The following LGALS12 variants were observed in gnomAD, a reference collection of about 807,000 sequenced individuals.
The protein encoded by LGALS12 is galectin-12.
In LGALS12, 36 loss-of-function variants were observed where a neutral mutation model predicts 36.8. That is an observed-to-expected ratio of 0.98 (90% CI 0.75 to 1.29). LGALS12 has a LOEUF of 1.29. Ranked by LOEUF, LGALS12 falls within the 50% of genes most tolerant of loss-of-function variation. LGALS12 has a pLI of 0.00. For missense variants in LGALS12, 366 were observed against 394.3 expected, an observed-to-expected ratio of 0.93 and a Z score of 0.61; for synonymous variants, 145 against 155.9, an observed-to-expected ratio of 0.93 and a Z score of 0.52.
chr11:63,514,907 A>G (rs2017034716), intron 7 of LGALS12, among the ~76,000 whole-genome samples: 1 of 151,870 alleles, frequency 6.6e-6, no homozygotes, highest in South Asian at 2.1e-4. Context: ...TAGAGATTGT[A>G]TTATATAGCA....
In LGALS12 at chr11:63,511,815, G is replaced by C; in HGVS notation, c.622G>C (p.Gly208Arg). ...LSPGQVIIVR[G>R]LVLQEPKHFT... The stretch of plus-strand genomic sequence containing the variant: ...GCCTGGGCAGGTCATCATAGTACGG[G>C]GACTGGTCTTGCAAGAGCCGAAGCA... Residue 208 changes from glycine (G) to arginine (R), a missense_variant, in exon 7 of 9, where the codon GGA becomes CGA. Physicochemically the swap from Gly to Arg is moderately radical, Grantham distance 125. Transcript: ENST00000394618. The C allele has an allele frequency of 6.2e-7, 1 of 1,613,574 alleles. No homozygotes were observed. Among genetic ancestry groups the C allele is most frequent in the Non-Finnish European group, 8.5e-7 (1 of 1,179,730 alleles).
In LGALS12 at chr11:63,515,689, C is replaced by G; in HGVS notation, c.774C>G (p.Leu258=). The G allele has an allele frequency of 6.2e-7, 1 of 1,614,196 alleles. No homozygotes were observed. The change falls in exon 8 of 9, where the codon CTC becomes CTG. Residue 258 remains leucine, a synonymous_variant. Transcript: ENST00000394618. ...GQKKLISAPF[L]FYPQRFFEVL... is the part of the protein sequence containing the mutation. The stretch of plus-strand genomic sequence containing the variant: ...AGAAACTGATCTCAGCCCCCTTCCT[C>G]TTTTACCCCCAGAGATTCTTTGAGG...
intron 8 of LGALS12, 115 bp from the exon 9 acceptor site, chr11:63,516,132 C>A: frequency 7.4e-7 from 1 of 1,346,016 alleles, no homozygotes; most frequent in Non-Finnish European, 1.0e-6. Flanking sequence ...TGGGTGCCCC[C>A]TGGGTCCAGT....
Position 63,511,796 on chromosome 11 carries a change from G to T in LGALS12, c.603G>T (p.Gly201=). The change falls in exon 7 of 9, where the codon GGG becomes GGT. Residue 201 remains glycine, a synonymous_variant. Transcript: ENST00000394618. ...SHALPQGLSP[G]QVIIVRGLVL... is the part of the protein sequence containing the mutation. ...CTCTTCCCCAGGGTCTCTCGCCTGG[G>T]CAGGTCATCATAGTACGGGGACTGG... The T allele has an allele frequency of 1.2e-6, 2 of 1,613,844 alleles. No homozygotes were observed. Among genetic ancestry groups the T allele is most frequent in the Non-Finnish European group, 1.7e-6 (2 of 1,179,946 alleles).
At chr11:63,511,709 C>A (rs752748546) in intron 6 of LGALS12, 43 bp from the exon 7 acceptor site, 3 of 1,450,956 alleles carry the variant, frequency 2.1e-6, no homozygotes, top group South Asian at 2.3e-5. Flanking sequence ...CCTCCCCAGT[C>A]CCCCTGGAAG....
Position 63,516,482 on chromosome 11 carries a change from T to C in LGALS12, c.*89T>C. 6.8e-7 allele frequency: 1 copy of C among 1,461,460 alleles called. No homozygotes were observed. Among genetic ancestry groups the C allele is most frequent in the Non-Finnish European group, 9.5e-7 (1 of 1,055,344 alleles). The allele number at this position is 1,461,460 out of a possible 1,614,324, so 90.5% of individuals were successfully genotyped here. Reference sequence around the variant, plus strand: ...TCCTCCCCTCATTAAACCATCCACCTGACACCAGCACATCAGGCCTGGTTC... The same window carrying C: ...TCCTCCCCTCATTAAACCATCCACCCGACACCAGCACATCAGGCCTGGTTC... On this transcript the variant is annotated 3_prime_UTR_variant, in exon 9 of 9. Coordinates refer to ENST00000394618, the MANE Select transcript of LGALS12 (RefSeq NM_033101.4).
rs769817660 is a variant in LGALS12, at chr11:63,511,777, C to T, written c.584C>T (p.Pro195Leu). 17 of 1,613,572 alleles carry T rather than the reference C, an allele frequency of 1.1e-5. No homozygotes were observed. The South Asian group carries it at 1.9e-4, about 18-fold the overall frequency. ...GAGGTGCCCTGCTCACATGCTCTTC[C>T]CCAGGGTCTCTCGCCTGGGCAGGTC... The part of the protein sequence containing the change: ...RLEVPCSHAL[P>L]QGLSPGQVII... Residue 195 changes from proline (P) to leucine (L), a missense_variant, in exon 7 of 9, where the codon CCC becomes CTC. Transcript: ENST00000394618.
rs1031149213 is a variant in LGALS12, at chr11:63,510,534, A to C, written c.531+33A>C. 4.3e-6 allele frequency: 7 copies of C among 1,609,748 alleles called. No homozygotes were observed. The Admixed American group carries it at 1.2e-4, about 27-fold the overall frequency. The stretch of plus-strand genomic sequence containing the variant: ...TCTTGGCAGCAAGGTCTGAGCAGCC[A>C]CACCAGCTGACCCGCCCTTCTGGAC... On this transcript the variant is annotated intron_variant, in intron 5 of 8. Transcript: ENST00000394618.
chr11:63,515,467 C>T (rs562034416), intron 7 of LGALS12, 96 bp from the exon 8 acceptor site: 3 of 1,434,044 alleles, frequency 2.1e-6, no homozygotes, highest in Admixed American at 1.9e-5. Context: ...CTCAACCTTC[C>T]ATCCACTCCC....
chr11:63,508,820 G>T lies in LGALS12; in HGVS notation c.201G>T (p.Arg67=). 6.2e-7 allele frequency: 1 copy of T among 1,614,208 alleles called. No individual in the cohort carries two copies. The highest frequency in any genetic ancestry group is 8.5e-7 in the Non-Finnish European group (1 of 1,180,032). The change falls in exon 3 of 9, where the codon CGG becomes CGT. Residue 67 remains arginine, a synonymous_variant. Coordinates refer to ENST00000394618, the MANE Select transcript of LGALS12 (RefSeq NM_033101.4). ...AGTGTGGCTGCAGCCTGTGTCCCCGGCCAGATATCGCCTTCCACTTCAACC... is the reference window on the plus strand; with the variant it reads ...AGTGTGGCTGCAGCCTGTGTCCCCGTCCAGATATCGCCTTCCACTTCAACC... The part of the protein sequence containing the change: ...DFQCGCSLCP[R]PDIAFHFNPR...
Position 63,511,808 on chromosome 11 carries a change from AG to A in LGALS12, c.616del (p.Val206TyrfsTer14). 6.2e-7 allele frequency: 1 copy of A among 1,613,696 alleles called. No homozygotes were observed. The highest frequency in any genetic ancestry group is 8.5e-7 in the Non-Finnish European group (1 of 1,179,824). ...GTCTCTCGCCTGGGCAGGTCATCATAGTACGGGGACTGGTCTTGCAAGAGCC... is the reference window on the plus strand; with the variant it reads ...GTCTCTCGCCTGGGCAGGTCATCATATACGGGGACTGGTCTTGCAAGAGCC... ...QGLSPGQVII[V>X]RGLVLQEPKH... On this transcript the variant is annotated frameshift_variant, in exon 7 of 9. Transcript: ENST00000394618. LOFTEE classifies it high-confidence loss of function.
intron 2 of LGALS12, 32 bp downstream of exon 2, chr11:63,508,673 G>A (rs1319348255): frequency 1.9e-6 from 3 of 1,613,664 alleles, no homozygotes; most frequent in Non-Finnish European, 2.5e-6. Context: ...AGGGGGTGCT[G>A]GAGCTCAGCC....
chr11:63,508,184 C>T (rs1401198895), intron 1 of LGALS12: 1 of 1,105,826 alleles, frequency 9.0e-7, no homozygotes, highest in East Asian at 7.0e-5. Flanking sequence ...ACTCAACAGT[C>T]CTCAGAAAGC....
In LGALS12 at chr11:63,509,030, T is replaced by G. The variant is rs374256190; in HGVS notation, c.372+39T>G. Reference sequence around the variant, plus strand: ...CGGGCATTGGGTGGTCTAGAATTTGTGTCCTTGCGCCCTTCCTTCCCTCAG... The same window carrying G: ...CGGGCATTGGGTGGTCTAGAATTTGGGTCCTTGCGCCCTTCCTTCCCTCAG... On this transcript the variant is annotated intron_variant, in intron 3 of 8. Transcript: ENST00000394618. 5 of 1,522,468 alleles carry G rather than the reference T, an allele frequency of 3.3e-6. No homozygotes were observed. The African/African-American group carries it at 5.5e-5, about 17-fold the overall frequency. The allele number at this position is 1,522,468 out of a possible 1,614,324, so 94.3% of individuals were successfully genotyped here.
intron 8 of LGALS12, among the ~76,000 whole-genome samples, 158 bp downstream of exon 8, chr11:63,515,871 C>G (rs555882713): frequency 1.8e-4 from 27 of 152,264 alleles, no homozygotes; most frequent in Non-Finnish European, 3.2e-4. Context: ...CAGCAGTCCT[C>G]AACGCTCCAC....
chr11:63,510,033 A>G, intron 4 of LGALS12, 136 bp downstream of exon 4: 10 of 1,086,546 alleles, frequency 9.2e-6, no homozygotes, highest in Non-Finnish European at 1.3e-5. Context: ...GCCAAGGGGG[A>G]GGGAGTCCAC....
intron 7 of LGALS12, among the ~76,000 whole-genome samples, chr11:63,514,223 G>A (rs764904928): frequency 2.0e-5 from 3 of 152,304 alleles, no homozygotes; most frequent in African/African-American, 7.2e-5. Flanking sequence ...TCAGGATGCC[G>A]CGCCTTCTCC....
intron 6 of LGALS12, 89 bp downstream of exon 6, chr11:63,511,194 A>G: frequency 1.6e-6 from 2 of 1,254,524 alleles, no homozygotes; most frequent in Non-Finnish European, 2.3e-6. Context: ...ACATGCCCCC[A>G]GCCTCAGGAT....
intron 4 of LGALS12, 52 bp from the exon 5 acceptor site, chr11:63,510,411 G>A: frequency 1.9e-6 from 3 of 1,585,492 alleles, no homozygotes; most frequent in Non-Finnish European, 2.6e-6. Context: ...GCATAGGTAG[G>A]GGATTGCAGT....
Sources: gnomAD v4.1 joint callset for allele counts (sites outside exome capture counted in the v4.1 genomes callset) on GRCh38, gnomAD v4.1.1 for gene constraint, MANE v1.5 for transcripts, NCBI Gene and HGNC (gene_info 2026-07-23, HGNC 2026-07-21) for gene names.